The following DMD variants were observed in gnomAD, a reference collection of about 807,000 sequenced individuals.
DMD encodes dystrophin, also known as mutant dystrophin.
A neutral mutation model predicts 330.1 loss-of-function variants in DMD; 63 were observed. The observed-to-expected ratio is 0.19, with a 90% confidence interval of 0.16 to 0.24. The LOEUF (loss-of-function observed/expected upper bound fraction) is 0.24, where lower values mean the gene tolerates loss of function less well. DMD is among the 10% of genes least tolerant of loss of function. The pLI, the probability that DMD is intolerant of heterozygous loss-of-function variation, is 1.00. For missense variants in DMD, 3,344 were observed against 2,684.1 expected (o/e 1.25, Z -5.43); for synonymous variants, 1,223 against 959.8 (o/e 1.27, Z -5.07).
chrX:32,549,508 TA>T (rs1252482515), intron 16 of DMD, among the ~76,000 whole-genome samples: 1 of 111,782 alleles, frequency 8.9e-6, no homozygotes, highest in Non-Finnish European at 1.9e-5. Context: ...TTTTGAGAAT[TA>T]AATGATATAA....
intron 56 of DMD, among the ~76,000 whole-genome samples, chrX:31,502,360 A>T (rs1279241474): frequency 9.0e-6 from 1 of 111,255 alleles, no homozygotes; most frequent in African/African-American, 3.3e-5. Context: ...TCCAAACATA[A>T]TTAACATTCT....
chrX:32,711,251 G>A (rs1337734584), intron 7 of DMD, among the ~76,000 whole-genome samples: 2 of 111,454 alleles, frequency 1.8e-5, no homozygotes, highest in East Asian at 2.8e-4. Flanking sequence ...TCTTGACTCT[G>A]AAATGTCGGC....
chrX:33,109,357 G>T (rs1603294718), intron 1 of DMD, among the ~76,000 whole-genome samples: 1 of 111,707 alleles, frequency 9.0e-6, no homozygotes, highest in Non-Finnish European at 1.9e-5. Context: ...AGAACAGTTT[G>T]AAAACACTAT....
chrX:33,015,429 G>C (rs960263508), intron 2 of DMD, among the ~76,000 whole-genome samples: 3 of 110,997 alleles, frequency 2.7e-5, no homozygotes, highest in African/African-American at 9.8e-5. Context: ...ACCAAGTACT[G>C]CATGTTCTCA....
At chrX:33,226,223 T>C (rs1402390588) in intron 1 of DMD, among the ~76,000 whole-genome samples, 1 of 111,419 alleles carries the variant, frequency 9.0e-6, no homozygotes, top group East Asian at 2.8e-4. Context: ...TCCATGGCAT[T>C]AATCCCAGAT....
Position 32,363,092 on chromosome X carries a change from A to C in DMD, c.5155-134T>G, listed in dbSNP as rs2097842983. Reference sequence around the variant, plus strand: ...AAAGAGAGAGAGAGAAAGTAAGAAAATGAGAGCAAGCACATGCAGAAAATA... The same window carrying C: ...AAAGAGAGAGAGAGAAAGTAAGAAACTGAGAGCAAGCACATGCAGAAAATA... On this transcript the variant is annotated intron_variant, in intron 36 of 78. Transcript: ENST00000357033. 3 of 625,060 alleles carry C rather than the reference A, an allele frequency of 4.8e-6. No individual in the cohort carries two copies. The South Asian group carries it at 7.8e-5, about 16-fold the overall frequency. The allele number at this position is 625,060 out of a possible 1,213,427, so 51.5% of individuals were successfully genotyped here.
chrX:31,745,468 T>C, intron 51 of DMD, among the ~76,000 whole-genome samples: 1 of 112,052 alleles, frequency 8.9e-6, no homozygotes, highest in South Asian at 3.7e-4. Flanking sequence ...CTGCATCCAA[T>C]GTCCCTTCCA....
intron 2 of DMD, among the ~76,000 whole-genome samples, chrX:32,878,427 A>T (rs1442966742): frequency 8.9e-6 from 1 of 111,812 alleles, no homozygotes; most frequent in African/African-American, 3.2e-5. Flanking sequence ...TTTAACTTCG[A>T]CAGAATGTTA....
intron 55 of DMD, among the ~76,000 whole-genome samples, chrX:31,626,414 C>T (rs190972056): frequency 8.0e-5 from 9 of 111,921 alleles, no homozygotes; most frequent in Non-Finnish European, 1.9e-5. Context: ...AACCATACAT[C>T]GAAGAGTGAG....
At position 31,929,682 on chromosome X, in the gene DMD, G is replaced by A. The variant is rs767347635; in HGVS notation, c.6826C>T (p.Pro2276Ser). The A allele has an allele frequency of 1.3e-5, 16 of 1,211,119 alleles. No individual in the cohort carries two copies. The highest frequency in any genetic ancestry group is 1.8e-5 in the South Asian group (1 of 56,982). Reference sequence around the variant, plus strand: ...CTTATGGGAGCACTTACAAGCACGGGTCCTCCAGTTTCATTTAATTGTTTG... The same window carrying A: ...CTTATGGGAGCACTTACAAGCACGGATCCTCCAGTTTCATTTAATTGTTTG... The part of the protein sequence containing the change: ...ILKQLNETGG[P>S]VLVSAPISPE... Residue 2276 changes from proline (P) to serine (S), a missense_variant, in exon 47 of 79, where the codon CCC becomes TCC. Coordinates refer to ENST00000357033, the MANE Select transcript of DMD (RefSeq NM_004006.3).
intron 29 of DMD, among the ~76,000 whole-genome samples, chrX:32,426,773 A>G (rs896260515): frequency 4.5e-5 from 5 of 111,884 alleles, no homozygotes; most frequent in African/African-American, 1.3e-4. Flanking sequence ...AACACTACGC[A>G]GCCACAAAAA....
chrX:32,016,399 C>A (rs1275446482), intron 44 of DMD, among the ~76,000 whole-genome samples: 1 of 111,638 alleles, frequency 9.0e-6, no homozygotes, highest in Non-Finnish European at 1.9e-5. Flanking sequence ...CTGCCTAGTT[C>A]TTGGAGTGCA....
intron 7 of DMD, among the ~76,000 whole-genome samples, chrX:32,728,848 C>G: frequency 8.9e-6 from 1 of 111,754 alleles, no homozygotes; most frequent in Middle Eastern, 4.6e-3. Flanking sequence ...CTGAAGAAGG[C>G]CTGACGTTGG....
intron 7 of DMD, among the ~76,000 whole-genome samples, chrX:32,739,896 A>G (rs1157980813): frequency 9.1e-6 from 1 of 110,266 alleles, no homozygotes; most frequent in African/African-American, 3.3e-5. Flanking sequence ...TGTTTTAACA[A>G]ACCTCTAGGT....
intron 50 of DMD, among the ~76,000 whole-genome samples, chrX:31,805,467 G>A: frequency 9.0e-6 from 1 of 111,470 alleles, no homozygotes; most frequent in Non-Finnish European, 1.9e-5. Context: ...TATATTTAAG[G>A]GTACTTCAAT....
chrX:32,468,853 G>A, intron 22 of DMD, 143 bp from the exon 23 acceptor site: 1 of 503,082 alleles, frequency 2.0e-6, no homozygotes, highest in Non-Finnish European at 3.3e-6. Context: ...TAAACTTCTA[G>A]TGGTAATTTA....
At chrX:32,722,329 T>G (rs1216536948) in intron 7 of DMD, among the ~76,000 whole-genome samples, 3 of 110,889 alleles carry the variant, frequency 2.7e-5, no homozygotes, top group African/African-American at 9.8e-5. Context: ...AAAAATAATA[T>G]ATGGTAACAA....
At chrX:31,778,056 C>G (rs897559689) in intron 50 of DMD, among the ~76,000 whole-genome samples, 25 of 112,141 alleles carry the variant, frequency 2.2e-4, no homozygotes, top group Admixed American at 1.9e-4. Context: ...TTCTTGAAAA[C>G]TTTTTCTCTC....
chrX:33,183,904 T>A (rs1474646346), intron 1 of DMD, among the ~76,000 whole-genome samples: 1 of 111,541 alleles, frequency 9.0e-6, no homozygotes, highest in African/African-American at 3.3e-5. Context: ...AGCCTCTAAG[T>A]CATGGCCATT....
Sources: gnomAD v4.1 joint callset for allele counts (sites outside exome capture counted in the v4.1 genomes callset) on GRCh38, gnomAD v4.1.1 for gene constraint, MANE v1.5 for transcripts, NCBI Gene and HGNC (gene_info 2026-07-23, HGNC 2026-07-21) for gene names.